Variants in TMEM108 observed in about 807,000 individuals in gnomAD.
TMEM108 encodes the protein transmembrane protein 108.
In TMEM108, 12 loss-of-function variants were observed where a neutral mutation model predicts 35.1. The ratio of observed to expected loss-of-function variants is 0.34; its 90% CI spans 0.22 to 0.55. TMEM108 has a LOEUF of 0.55. Ranked by LOEUF, TMEM108 falls within the 20% of genes least tolerant of loss-of-function variation. TMEM108 has a pLI of 0.89. For missense variants in TMEM108, 680 were observed against 753.3 expected (o/e 0.90, Z 1.14); for synonymous variants, 287 against 308.6 (o/e 0.93, Z 0.73).
At chr3:133,041,090 T>C (rs1943270309) in intron 1 of TMEM108, among the ~76,000 whole-genome samples, 1 of 151,998 alleles carries the variant, frequency 6.6e-6, no homozygotes, top group African/African-American at 2.4e-5. Context: ...TAGGGAAGCA[T>C]TGGGGAAAGA....
chr3:133,284,253 T>C (rs1037542652), intron 3 of TMEM108, among the ~76,000 whole-genome samples: 4 of 152,214 alleles, frequency 2.6e-5, no homozygotes, highest in Non-Finnish European at 4.4e-5. Context: ...TGACACTACC[T>C]TCAGTCTCTG....
intron 2 of TMEM108, among the ~76,000 whole-genome samples, chr3:133,211,691 A>AC: frequency 6.6e-6 from 1 of 152,176 alleles, no homozygotes; most frequent in African/African-American, 2.4e-5. Flanking sequence ...TACTATTTTT[A>AC]CCCCATTGCT....
intron 2 of TMEM108, among the ~76,000 whole-genome samples, chr3:133,082,134 A>G (rs1385919898): frequency 3.3e-5 from 5 of 152,208 alleles, no homozygotes; most frequent in Non-Finnish European, 7.3e-5. Context: ...CTCCTTTGCC[A>G]TGCCAAGTTA....
chr3:133,211,324 T>A (rs1327685332), intron 2 of TMEM108, among the ~76,000 whole-genome samples: 1 of 152,122 alleles, frequency 6.6e-6, no homozygotes, highest in Non-Finnish European at 1.5e-5. Flanking sequence ...CCAAAGGAAA[T>A]ACACATAATT....
rs190705550 is a variant in TMEM108, at chr3:133,191,782, C to A, written c.-46-37484C>A. On this transcript the variant is annotated intron_variant, in intron 2 of 5. Transcript: ENST00000321871. ...AGGAATCAGATTGGATTTTTAGAAGCTAGGAGGTAGAGGGCAGGAAACCAG... is the reference window on the plus strand; with the variant it reads ...AGGAATCAGATTGGATTTTTAGAAGATAGGAGGTAGAGGGCAGGAAACCAG... Among the ~76,000 whole-genome samples, 19 of 152,198 alleles carry A rather than the reference C, an allele frequency of 1.2e-4. No homozygotes were observed. The East Asian group carries it at 3.7e-3, about 29-fold the overall frequency.
intron 3 of TMEM108, among the ~76,000 whole-genome samples, chr3:133,306,965 T>A (rs2071051715): frequency 6.6e-6 from 1 of 152,200 alleles, no homozygotes; most frequent in Non-Finnish European, 1.5e-5. Flanking sequence ...CCATAATAGT[T>A]TAACTAATTT....
intron 3 of TMEM108, among the ~76,000 whole-genome samples, chr3:133,235,979 T>C (rs1190740467): frequency 6.6e-6 from 1 of 152,138 alleles, no homozygotes; most frequent in African/African-American, 2.4e-5. Context: ...TTAGCAGATG[T>C]GGTGTTTGCT....
intron 1 of TMEM108, chr3:133,041,970 G>A (rs1047732108): frequency 3.3e-5 from 5 of 152,118 alleles, no homozygotes; most frequent in Non-Finnish European, 5.9e-5. Flanking sequence ...TTCTTAATTC[G>A]TTTCTTCTAA....
chr3:133,331,606 C>G (rs888946882), intron 3 of TMEM108, among the ~76,000 whole-genome samples: 2 of 152,198 alleles, frequency 1.3e-5, no homozygotes, highest in African/African-American at 2.4e-5. Flanking sequence ...ATAGAAACTG[C>G]CCTGAGCAAC....
chr3:133,112,359 C>G (rs947037207), intron 2 of TMEM108, among the ~76,000 whole-genome samples: 1 of 152,046 alleles, frequency 6.6e-6, no homozygotes, highest in Non-Finnish European at 1.5e-5. Context: ...TTACTTTTCC[C>G]TTCACTCATG....
chr3:133,185,784 C>CTTTTTTTTTTTTTTTT (rs11309146), intron 2 of TMEM108, among the ~76,000 whole-genome samples: 3 of 127,094 alleles, frequency 2.4e-5, no homozygotes, highest in Non-Finnish European at 3.3e-5. Flanking sequence ...CTTTTCTTTT[C>CTTTTTTTTTTTTTTTT]TTTTTTTTTT....
At chr3:133,072,813 A>G (rs2107690621) in intron 2 of TMEM108, among the ~76,000 whole-genome samples, 1 of 152,162 alleles carries the variant, frequency 6.6e-6, no homozygotes, top group East Asian at 1.9e-4. Flanking sequence ...GTCATGCCCT[A>G]CCCCGTTTCC....
intron 2 of TMEM108, among the ~76,000 whole-genome samples, chr3:133,096,246 A>G (rs999887269): frequency 6.6e-6 from 1 of 152,076 alleles, no homozygotes. Flanking sequence ...GCAGCCTTGA[A>G]TTCCTGGGTG....
chr3:133,390,175 C>T lies in TMEM108; in HGVS notation c.1451-5C>T. Reference sequence around the variant, plus strand: ...TCTCCTCTCTGACTTGCACTCTCTCCATAGCTGTCCTGCTGACGGTGTGCT... The same window carrying T: ...TCTCCTCTCTGACTTGCACTCTCTCTATAGCTGTCCTGCTGACGGTGTGCT... On this transcript the variant is annotated splice_polypyrimidine_tract_variant and splice_region_variant and intron_variant, in intron 4 of 5. Transcript: ENST00000321871. The T allele has an allele frequency of 6.2e-7, 1 of 1,614,098 alleles. No homozygotes were observed. Among genetic ancestry groups the T allele is most frequent in the South Asian group, 1.1e-5 (1 of 91,062 alleles).
At chr3:133,265,195 C>G (rs766710716) in intron 3 of TMEM108, among the ~76,000 whole-genome samples, 1 of 152,208 alleles carries the variant, frequency 6.6e-6, no homozygotes, top group Non-Finnish European at 1.5e-5. Context: ...CATAGCCAGA[C>G]GTAGGCAAGA....
chr3:133,065,976 T>C (rs1426503839), intron 2 of TMEM108, among the ~76,000 whole-genome samples: 1 of 152,200 alleles, frequency 6.6e-6, no homozygotes, highest in African/African-American at 2.4e-5. Context: ...GCAACCACAA[T>C]AGCTACATAA....
At chr3:133,275,685 G>A (rs944235550) in intron 3 of TMEM108, among the ~76,000 whole-genome samples, 2 of 152,102 alleles carry the variant, frequency 1.3e-5, no homozygotes, top group African/African-American at 4.8e-5. Context: ...AGGGGGATCT[G>A]GAGCAGCACT....
rs192209288 is a variant in TMEM108 at position 133,078,792 on chromosome 3, A to T, written c.-47+32772A>T. ...TTTTTTCTTTCTCTTTCCCTCTCTG[A>T]TGCACACACACATATATTTTATCAT... On this transcript the variant is annotated intron_variant, in intron 2 of 5. Coordinates refer to ENST00000321871, the MANE Select transcript of TMEM108 (RefSeq NM_023943.4). 9.8e-5 allele frequency among the ~76,000 whole-genome samples: 15 copies of T among 152,308 alleles called. No individual in the cohort carries two copies. In the East Asian group the frequency reaches 2.7e-3, roughly 27 times the overall value.
rs544338729 is a variant in TMEM108 at position 133,133,803 on chromosome 3, G to A, written c.-47+87783G>A. 7.4e-5 allele frequency among the ~76,000 whole-genome samples: 11 copies of A among 149,122 alleles called. No individual in the cohort carries two copies. In the South Asian group the frequency reaches 1.5e-3, roughly 20 times the overall value. On this transcript the variant is annotated intron_variant, in intron 2 of 5. Transcript: ENST00000321871. ...CCTCCCAGGTTCACGCCATTCTATC[G>A]CCCAGGATGGAGTGCAGTGGCGCGA...
Sources: allele counts gnomAD v4.1 joint callset (sites outside exome capture counted in the v4.1 genomes callset), GRCh38; gene constraint gnomAD v4.1.1; transcripts MANE v1.5; gene names NCBI Gene and HGNC (gene_info 2026-07-23, HGNC 2026-07-21).